NXPH1: variants seen among roughly 807,000 people sequenced by gnomAD.
The protein encoded by NXPH1 is neurexophilin-1.
In NXPH1, 5 loss-of-function variants were observed where a neutral mutation model predicts 23.7. The observed-to-expected ratio is 0.21, with a 90% confidence interval of 0.11 to 0.44. The LOEUF (loss-of-function observed/expected upper bound fraction) is 0.44, where lower values mean the gene tolerates loss of function less well. NXPH1 is among the 20% of genes least tolerant of loss of function. NXPH1 has a pLI of 0.99. For missense variants in NXPH1, 324 were observed against 321.6 expected (o/e 1.01, Z -0.06); for synonymous variants, 144 against 122.2 (o/e 1.18, Z -1.18).
chr7:8,546,807 C>T (rs1354870732), intron 2 of NXPH1, among the ~76,000 whole-genome samples: 5 of 151,392 alleles, frequency 3.3e-5, no homozygotes, highest in Non-Finnish European at 7.4e-5. Context: ...TATTGATGCT[C>T]ATGGTGGTAT....
intron 2 of NXPH1, among the ~76,000 whole-genome samples, chr7:8,459,606 C>G (rs1276306777): frequency 6.6e-6 from 1 of 152,158 alleles, no homozygotes; most frequent in East Asian, 1.9e-4. Context: ...CTGCTTTCCC[C>G]TACTAATGAC....
chr7:8,534,825 T>C (rs1818003433), intron 2 of NXPH1, among the ~76,000 whole-genome samples: 1 of 152,108 alleles, frequency 6.6e-6, no homozygotes, highest in Non-Finnish European at 1.5e-5. Flanking sequence ...TCAAAGTTAC[T>C]GGTAGGGCAA....
chr7:8,521,741 T>A (rs1195470367), intron 2 of NXPH1, among the ~76,000 whole-genome samples: 1 of 152,166 alleles, frequency 6.6e-6, no homozygotes, highest in African/African-American at 2.4e-5. Context: ...AAGAATTAAA[T>A]GGCAATGTAA....
At chr7:8,569,403 G>A (rs548309442) in intron 2 of NXPH1, among the ~76,000 whole-genome samples, 2 of 151,886 alleles carry the variant, frequency 1.3e-5, no homozygotes, top group East Asian at 3.9e-4. Context: ...AAATAGACAA[G>A]TATTAGATTT....
In NXPH1 at chr7:8,442,982, C is replaced by T. The variant is rs1464740019; in HGVS notation, c.54+7215C>T. Among the ~76,000 whole-genome samples the T allele has an allele frequency of 6.6e-6, 1 of 152,236 alleles. No individual in the cohort carries two copies. Among genetic ancestry groups the T allele is most frequent in the African/African-American group, 2.4e-5 (1 of 41,460 alleles). On this transcript the variant is annotated intron_variant, in intron 2 of 2. Transcript: ENST00000405863. This position sits in a 1 kb window ranked among gnomAD's most constrained non-coding sequence, Gnocchi z 4.6. ...GGCCGGGAGAGCGACTCTTCAGCAC[C>T]ACGGCCAGCGCCACAGGCTCCGCCC...
At chr7:8,478,922 A>C (rs987153584) in intron 2 of NXPH1, among the ~76,000 whole-genome samples, 1 of 152,130 alleles carries the variant, frequency 6.6e-6, no homozygotes, top group Non-Finnish European at 1.5e-5. Context: ...TAAAGGGCTC[A>C]GACTATTATT....
chr7:8,697,913 T>TA (rs1370116698), intron 2 of NXPH1, among the ~76,000 whole-genome samples: 1 of 152,188 alleles, frequency 6.6e-6, no homozygotes, highest in Middle Eastern at 3.2e-3. Flanking sequence ...ATGACTCCTA[T>TA]AGGCAGGATC....
At chr7:8,487,611 A>C (rs1482022984) in intron 2 of NXPH1, among the ~76,000 whole-genome samples, 1 of 152,068 alleles carries the variant, frequency 6.6e-6, no homozygotes, top group African/African-American at 2.4e-5. Context: ...CTACTTATGC[A>C]TTGGTACTGT....
chr7:8,443,851 CAACA>C (rs1241391017), intron 2 of NXPH1, among the ~76,000 whole-genome samples: 1 of 152,188 alleles, frequency 6.6e-6, no homozygotes, highest in East Asian at 1.9e-4. Flanking sequence ...CAAACCGCAA[CAACA>C]AACAAACAAC....
chr7:8,606,589 A>T (rs1819497422), intron 2 of NXPH1, among the ~76,000 whole-genome samples: 1 of 152,312 alleles, frequency 6.6e-6, no homozygotes, highest in South Asian at 2.1e-4. Flanking sequence ...AGGCATTGGA[A>T]GTTAAGGCAT....
At chr7:8,683,823 C>T (rs1821097418) in intron 2 of NXPH1, among the ~76,000 whole-genome samples, 1 of 151,888 alleles carries the variant, frequency 6.6e-6, no homozygotes, top group African/African-American at 2.4e-5. Flanking sequence ...GAAAAATATA[C>T]CCCCAAGGAA....
At chr7:8,575,453 T>C (rs1214460204) in intron 2 of NXPH1, among the ~76,000 whole-genome samples, 1 of 152,184 alleles carries the variant, frequency 6.6e-6, no homozygotes, top group African/African-American at 2.4e-5. Context: ...AGTTCATGTT[T>C]AGAATTTGTT....
chr7:8,544,960 G>T (rs4720785), intron 2 of NXPH1, among the ~76,000 whole-genome samples: 49,368 of 151,286 alleles, frequency 0.33, 8,464 homozygotes, highest in East Asian at 0.5. Flanking sequence ...TTAGTCTAGC[G>T]TGACCTTAAC....
intron 2 of NXPH1, among the ~76,000 whole-genome samples, chr7:8,461,353 G>T (rs1314846959): frequency 2.0e-5 from 3 of 152,034 alleles, no homozygotes; most frequent in African/African-American, 7.3e-5. Context: ...AGTAACTTCA[G>T]TTACTCCCAA....
At chr7:8,543,291 C>T (rs1030599965) in intron 2 of NXPH1, among the ~76,000 whole-genome samples, 2 of 151,554 alleles carry the variant, frequency 1.3e-5, no homozygotes, top group Non-Finnish European at 3.0e-5. Context: ...CTTTCCAAAC[C>T]TTATCCATGC....
chr7:8,593,103 T>C (rs1468069110), intron 2 of NXPH1, among the ~76,000 whole-genome samples: 1 of 152,010 alleles, frequency 6.6e-6, no homozygotes, highest in East Asian at 1.9e-4. Flanking sequence ...CCAGAATGAT[T>C]TCTTAATAGT....
At chr7:8,577,886 C>T (rs1224105787) in intron 2 of NXPH1, among the ~76,000 whole-genome samples, 2 of 152,124 alleles carry the variant, frequency 1.3e-5, no homozygotes, top group Admixed American at 6.5e-5. Flanking sequence ...GGCTACTTAT[C>T]GTACCAAATT....
chr7:8,648,869 A>T lies in NXPH1; in HGVS notation c.55-102139A>T, dbSNP rs577568464. Among the ~76,000 whole-genome samples, 184 of 152,134 alleles carry T rather than the reference A, an allele frequency of 1.2e-3. 1 individual carries two copies. The highest frequency in any genetic ancestry group is 4.3e-3 in the African/African-American group (177 of 41,526). On this transcript the variant is annotated intron_variant, in intron 2 of 2. Transcript: ENST00000405863. ...CAATTCTTATTGTAGTTTTTTAAAA[A>T]TTTTTGTTTTATATAAGTATATACA...
At chr7:8,591,643 T>A (rs1014503294) in intron 2 of NXPH1, among the ~76,000 whole-genome samples, 6 of 152,048 alleles carry the variant, frequency 3.9e-5, no homozygotes, top group Non-Finnish European at 8.8e-5. Context: ...TATTGGAATT[T>A]TATGTCTGTA....
Sources: allele counts gnomAD v4.1 joint callset (sites outside exome capture counted in the v4.1 genomes callset), GRCh38; gene constraint gnomAD v4.1.1; non-coding constraint Gnocchi (gnomAD v3.1); transcripts MANE v1.5; gene names NCBI Gene and HGNC (gene_info 2026-07-23, HGNC 2026-07-21).